PDE4D: variants seen among roughly 807,000 people sequenced by gnomAD.
PDE4D encodes the protein phosphodiesterase 4D, also known as 3',5'-cyclic-AMP phosphodiesterase 4D.
A neutral mutation model predicts 87.4 loss-of-function variants in PDE4D; 24 were observed. That is an observed-to-expected ratio of 0.27 (90% confidence interval 0.20 to 0.39). The LOEUF is 0.39. PDE4D is among the 10% of genes least tolerant of loss of function. PDE4D has a pLI of 1.00. For missense variants in PDE4D, 714 were observed against 1,041.0 expected, an observed-to-expected ratio of 0.69 and a Z score of 4.32; for synonymous variants, 384 against 383.2, an observed-to-expected ratio of 1.00 and a Z score of -0.02.
intron 1 of PDE4D, among the ~76,000 whole-genome samples, chr5:59,723,476 T>C (rs552288558): frequency 6.6e-6 from 1 of 152,260 alleles, no homozygotes; most frequent in South Asian, 2.1e-4. Context: ...TTCTGGGATT[T>C]GGATAATTTT....
At chr5:59,597,797 A>C (rs1303167606) in intron 1 of PDE4D, among the ~76,000 whole-genome samples, 1 of 152,196 alleles carries the variant, frequency 6.6e-6, no homozygotes, top group African/African-American at 2.4e-5. Context: ...AATAAATTCA[A>C]GGCTAGTTAT....
At chr5:59,133,484 C>G (rs1325786046) in intron 5 of PDE4D, among the ~76,000 whole-genome samples, 2 of 152,138 alleles carry the variant, frequency 1.3e-5, no homozygotes, top group Non-Finnish European at 2.9e-5. Context: ...ACAGAAGACA[C>G]AGCATTAAAA....
At chr5:60,144,861 T>A (rs1251910366) in intron 2 of PDE4D, among the ~76,000 whole-genome samples, 1 of 152,184 alleles carries the variant, frequency 6.6e-6, no homozygotes, top group Non-Finnish European at 1.5e-5. Flanking sequence ...ATCTGATAAA[T>A]GAATTAACTA....
chr5:59,962,682 A>G (rs753020129), intron 3 of PDE4D, among the ~76,000 whole-genome samples: 3 of 152,198 alleles, frequency 2.0e-5, no homozygotes, highest in Non-Finnish European at 4.4e-5. Flanking sequence ...TTACAATTTC[A>G]GTGTCATTTA....
chr5:59,189,336 G>C (rs1372493625), intron 3 of PDE4D, among the ~76,000 whole-genome samples: 1 of 138,000 alleles, frequency 7.2e-6, no homozygotes, highest in Non-Finnish European at 1.5e-5. Context: ...TGCAACCTCT[G>C]CCTCCTGGGT....
intron 2 of PDE4D, among the ~76,000 whole-genome samples, chr5:60,067,198 T>C (rs144525037): frequency 1.9e-3 from 295 of 152,224 alleles, no homozygotes; most frequent in African/African-American, 6.7e-3. Flanking sequence ...CTTTCATTGT[T>C]AATCCCAGTA....
At chr5:59,596,979 C>T (rs1156680862) in intron 1 of PDE4D, among the ~76,000 whole-genome samples, 3 of 152,110 alleles carry the variant, frequency 2.0e-5, no homozygotes, top group Admixed American at 2.0e-4. Flanking sequence ...AACAGAAACA[C>T]AGAGACAAAA....
At chr5:59,455,481 A>T (rs188356943) in intron 1 of PDE4D, among the ~76,000 whole-genome samples, 310 of 152,366 alleles carry the variant, frequency 2.0e-3, no homozygotes, top group South Asian at 0.014. Context: ...CATAGGATGT[A>T]TGGAAATGCC....
chr5:59,360,750 G>C (rs1209645127), intron 1 of PDE4D, among the ~76,000 whole-genome samples: 1 of 152,098 alleles, frequency 6.6e-6, no homozygotes, highest in East Asian at 1.9e-4. Flanking sequence ...ATTATTCCAT[G>C]TTCTGAAATG....
At chr5:60,123,427 C>T (rs190179449) in intron 2 of PDE4D, among the ~76,000 whole-genome samples, 40 of 152,208 alleles carry the variant, frequency 2.6e-4, no homozygotes, top group African/African-American at 7.2e-4. Context: ...ACTTCTTACA[C>T]GTCAGTGGCA....
intron 1 of PDE4D, among the ~76,000 whole-genome samples, chr5:60,512,233 C>A (rs548521641): frequency 2.0e-5 from 3 of 152,204 alleles, no homozygotes; most frequent in African/African-American, 7.2e-5. Flanking sequence ...TGCATATATG[C>A]TTTTTGCATT....
intron 6 of PDE4D, among the ~76,000 whole-genome samples, chr5:59,028,168 GGCTT>G (rs1189798036): frequency 6.6e-6 from 1 of 152,004 alleles, no homozygotes; most frequent in African/African-American, 2.4e-5. Context: ...AAAAATCTCA[GGCTT>G]GCTTGATGAG....
At chr5:59,352,357 T>C (rs1372355077) in intron 1 of PDE4D, among the ~76,000 whole-genome samples, 1 of 152,184 alleles carries the variant, frequency 6.6e-6, no homozygotes, top group Non-Finnish European at 1.5e-5. Context: ...GTCACATCTG[T>C]TACATCTGAA....
chr5:58,975,135 G>T lies in PDE4D; in HGVS notation c.2014-55C>A. On this transcript the variant is annotated intron_variant, in intron 14 of 14. Coordinates refer to ENST00000340635, the MANE Select transcript of PDE4D (RefSeq NM_001104631.2). The surrounding 1 kb of genome is among the most constrained non-coding windows in gnomAD (Gnocchi z 4.2). ...GAGGACTTGGGACTAAGAAACAATG[G>T]AAAAGCTTAATTAGATCATGGCCCA... 1.8e-6 allele frequency: 2 copies of T among 1,104,128 alleles called. No individual in the cohort carries two copies. The highest frequency in any genetic ancestry group is 2.5e-6 in the Non-Finnish European group (2 of 813,006). 68.4% of individuals were successfully genotyped at this position (1,104,128 alleles called of 1,614,324 possible).
chr5:59,066,782 A>T (rs1763999477), intron 5 of PDE4D, among the ~76,000 whole-genome samples: 1 of 152,014 alleles, frequency 6.6e-6, no homozygotes, highest in South Asian at 2.1e-4. Flanking sequence ...CACAGCCCTT[A>T]TAAGGGGATT....
chr5:59,478,436 T>C (rs1480721699), intron 1 of PDE4D, among the ~76,000 whole-genome samples: 1 of 152,110 alleles, frequency 6.6e-6, no homozygotes, highest in Non-Finnish European at 1.5e-5. Flanking sequence ...AATGTAGAAA[T>C]TATCTAAAAG....
intron 1 of PDE4D, among the ~76,000 whole-genome samples, chr5:60,449,068 C>CGT (rs1554037888): frequency 8.1e-4 from 106 of 131,190 alleles, no homozygotes; most frequent in African/African-American, 3.5e-3. Flanking sequence ...CCCAACTGCC[C>CGT]GCGCACACAC....
chr5:59,949,291 G>C (rs1758033092), intron 3 of PDE4D, among the ~76,000 whole-genome samples: 1 of 151,978 alleles, frequency 6.6e-6, no homozygotes. Context: ...TAATTAGCCG[G>C]GCATGGTGGC....
chr5:59,165,415 A>AACACCAT (rs1659006712), intron 5 of PDE4D, among the ~76,000 whole-genome samples: 1 of 152,190 alleles, frequency 6.6e-6, no homozygotes, highest in Non-Finnish European at 1.5e-5. Flanking sequence ...CTGGGATTAC[A>AACACCAT]GGTGTGCAAC....
Sources: allele counts gnomAD v4.1 joint callset (sites outside exome capture counted in the v4.1 genomes callset), GRCh38; gene constraint gnomAD v4.1.1; non-coding constraint Gnocchi (gnomAD v3.1); transcripts MANE v1.5; gene names NCBI Gene and HGNC (gene_info 2026-07-23, HGNC 2026-07-21).